Variants in POU2F1 observed in about 807,000 individuals in gnomAD.
The protein encoded by POU2F1 is POU domain, class 2, transcription factor 1.
A neutral mutation model predicts 84.9 loss-of-function variants in POU2F1; 16 were observed. The ratio of observed to expected loss-of-function variants is 0.19; its 90% confidence interval spans 0.13 to 0.29. The LOEUF (loss-of-function observed/expected upper bound fraction) is 0.29. Among genes scored for constraint, POU2F1 ranks in the 10% least tolerant of loss-of-function variants. POU2F1 has a pLI of 1.00. For synonymous variants in POU2F1, 368 were observed against 368.3 expected, an observed-to-expected ratio of 1.00 and a Z score of 0.01; for missense variants, 738 against 942.6, an observed-to-expected ratio of 0.78 and a Z score of 2.84.
At chr1:167,296,059 G>A (rs532185716) in intron 1 of POU2F1, among the ~76,000 whole-genome samples, 2 of 151,502 alleles carry the variant, frequency 1.3e-5, no homozygotes, top group East Asian at 1.9e-4. Context: ...CAGTTAAGTC[G>A]TGAGTTGGAC....
At chr1:167,286,895 T>C (rs1258988704) in intron 1 of POU2F1, among the ~76,000 whole-genome samples, 1 of 152,148 alleles carries the variant, frequency 6.6e-6, no homozygotes, top group Non-Finnish European at 1.5e-5. Flanking sequence ...CCCTGCAAGC[T>C]CAAGGATGTG....
intron 1 of POU2F1, among the ~76,000 whole-genome samples, chr1:167,283,619 T>C (rs1188965994): frequency 6.6e-6 from 1 of 152,230 alleles, no homozygotes; most frequent in Non-Finnish European, 1.5e-5. Flanking sequence ...TTTGGTGACA[T>C]GAGACTAGAC....
At chr1:167,329,122 C>T (rs748237673) in intron 1 of POU2F1, 39 of 1,337,274 alleles carry the variant, frequency 2.9e-5, no homozygotes, top group Non-Finnish European at 3.5e-5. Flanking sequence ...TTTGCTTTTC[C>T]CCTTAATCCA....
intron 1 of POU2F1, among the ~76,000 whole-genome samples, chr1:167,279,972 G>A (rs1340595531): frequency 6.6e-6 from 1 of 152,096 alleles, no homozygotes; most frequent in Non-Finnish European, 1.5e-5. Context: ...TTGGGAGGTC[G>A]AGGTGGGCAG....
At chr1:167,305,584 A>G (rs1001035014) in intron 1 of POU2F1, among the ~76,000 whole-genome samples, 8 of 152,154 alleles carry the variant, frequency 5.3e-5, no homozygotes, top group African/African-American at 1.9e-4. Flanking sequence ...CTTATAGCGA[A>G]TAATTTTTAG....
At chr1:167,411,883 A>C in intron 13 of POU2F1, 76 bp from the exon 14 acceptor site, 1 of 1,317,792 alleles carries the variant, frequency 7.6e-7, no homozygotes, top group Non-Finnish European at 1.1e-6. Context: ...TTGATTATAG[A>C]GTTTGGCTGA....
At position 167,352,015 on chromosome 1, in the gene POU2F1, A is replaced by G. The variant is rs2101790057; in HGVS notation, c.128-13452A>G. Among the ~76,000 whole-genome samples, 3 of 152,372 alleles carry G rather than the reference A, an allele frequency of 2.0e-5. No homozygotes were observed. The Middle Eastern group carries it at 0.01, about 518-fold the overall frequency. ...CACACCTGGGCAGAATTCAAACAGCAGAAGTGTGTCTCTTTTAAGAGACTG... is the reference window on the plus strand; with the variant it reads ...CACACCTGGGCAGAATTCAAACAGCGGAAGTGTGTCTCTTTTAAGAGACTG... On this transcript the variant is annotated intron_variant, in intron 2 of 15. Coordinates refer to ENST00000367866, the MANE Select transcript of POU2F1 (RefSeq NM_002697.4).
chr1:167,336,293 A>G (rs938721261), intron 2 of POU2F1, among the ~76,000 whole-genome samples: 1 of 152,236 alleles, frequency 6.6e-6, no homozygotes, highest in Non-Finnish European at 1.5e-5. Context: ...TCTTGTTGCT[A>G]TTGCAATGAT....
At chr1:167,398,264 GAAGT>G (rs1648953053) in intron 11 of POU2F1, 131 bp downstream of exon 11, 2 of 1,117,218 alleles carry the variant, frequency 1.8e-6, no homozygotes, top group Admixed American at 2.7e-5. Flanking sequence ...ATAAATAGGT[GAAGT>G]AAGTAAGTTA....
intron 1 of POU2F1, among the ~76,000 whole-genome samples, chr1:167,274,339 T>C (rs1192612713): frequency 6.6e-6 from 1 of 152,220 alleles, no homozygotes; most frequent in Non-Finnish European, 1.5e-5. Context: ...AGAATGAAAC[T>C]ATGAAGAATC....
intron 2 of POU2F1, among the ~76,000 whole-genome samples, chr1:167,337,775 A>G (rs114951815): frequency 6.6e-6 from 1 of 152,266 alleles, no homozygotes; most frequent in African/African-American, 2.4e-5. Flanking sequence ...TAATGCAGAC[A>G]AAAGCGCCCT....
chr1:167,239,393 G>A (rs1003808460), intron 1 of POU2F1, among the ~76,000 whole-genome samples: 20 of 152,168 alleles, frequency 1.3e-4, no homozygotes, highest in African/African-American at 4.1e-4. Flanking sequence ...TGCTTATCTG[G>A]TATAGATGCC....
intron 15 of POU2F1, among the ~76,000 whole-genome samples, chr1:167,413,799 T>C (rs938430241): frequency 2.6e-5 from 4 of 152,182 alleles, no homozygotes; most frequent in African/African-American, 4.8e-5. Flanking sequence ...TTTACTGTTA[T>C]GTGATTCAGG....
intron 7 of POU2F1, among the ~76,000 whole-genome samples, chr1:167,382,981 A>G (rs1040506853): frequency 2.0e-5 from 3 of 152,196 alleles, no homozygotes; most frequent in African/African-American, 4.8e-5. Flanking sequence ...TAGTAACCTA[A>G]TGAAATCATA....
chr1:167,306,380 T>C (rs1557882015), intron 1 of POU2F1, among the ~76,000 whole-genome samples: 3 of 152,320 alleles, frequency 2.0e-5, no homozygotes, highest in South Asian at 4.1e-4. Flanking sequence ...AGCATGGAAA[T>C]ACTCAAGAGC....
chr1:167,253,168 G>C (rs1236490515), intron 1 of POU2F1, among the ~76,000 whole-genome samples: 1 of 152,166 alleles, frequency 6.6e-6, no homozygotes, highest in Non-Finnish European at 1.5e-5. Flanking sequence ...TCACTTAAGA[G>C]GGCAAAAGTT....
Position 167,383,861 on chromosome 1 carries a change from C to T in POU2F1, c.723C>T (p.Leu241=). 6.2e-7 allele frequency: 1 copy of T among 1,613,024 alleles called. No individual in the cohort carries two copies. The highest frequency in any genetic ancestry group is 1.1e-5 in the South Asian group (1 of 90,978). The change falls in exon 8 of 16, where the codon CTC becomes CTT. Residue 241 remains leucine, a synonymous_variant. Transcript: ENST00000367866. ...TAACATGTTTTTCTTCTACAGGTCT[C>T]CTGCAAGCGCAAAATCTTCTAACGC... ...ISQTPQGQQG[L]LQAQNLLTQL...
chr1:167,354,434 A>G (rs889998097), intron 2 of POU2F1, among the ~76,000 whole-genome samples: 2 of 151,978 alleles, frequency 1.3e-5, no homozygotes, highest in Non-Finnish European at 2.9e-5. Flanking sequence ...TGGGATTACA[A>G]GCACCCTCCA....
intron 7 of POU2F1, among the ~76,000 whole-genome samples, chr1:167,381,412 C>G (rs924580215): frequency 6.6e-6 from 1 of 151,756 alleles, no homozygotes; most frequent in South Asian, 2.1e-4. Context: ...AGTTCTAAAC[C>G]TCTATGGGCC....
Sources: allele counts gnomAD v4.1 joint callset (sites outside exome capture counted in the v4.1 genomes callset), GRCh38; gene constraint gnomAD v4.1.1; transcripts MANE v1.5; gene names NCBI Gene and HGNC (gene_info 2026-07-23, HGNC 2026-07-21).